The following RGS7 variants were observed in gnomAD, a reference collection of about 807,000 sequenced individuals.
RGS7 encodes the protein regulator of G-protein signaling 7.
In RGS7, 27 loss-of-function variants were observed where a neutral mutation model predicts 81.1. The ratio of observed to expected loss-of-function variants is 0.33; its 90% CI spans 0.25 to 0.46. The LOEUF is 0.46. Among genes scored for constraint, RGS7 ranks in the 20% least tolerant of loss-of-function variants. The pLI is 1.00. For synonymous variants in RGS7, 208 were observed against 207.7 expected, an observed-to-expected ratio of 1.00 and a Z score of -0.01; for missense variants, 396 against 607.4, an observed-to-expected ratio of 0.65 and a Z score of 3.66.
rs565623691 is a variant in RGS7, at chr1:241,262,984, A to G, written c.78+92715T>C. Among the ~76,000 whole-genome samples, 8 of 152,302 alleles carry G rather than the reference A, an allele frequency of 5.3e-5. No homozygotes were observed. In the South Asian group the frequency reaches 1.0e-3, roughly 20 times the overall value. On this transcript the variant is annotated intron_variant, in intron 2 of 18. Coordinates refer to ENST00000440928, the MANE Select transcript of RGS7 (RefSeq NM_001364886.1). ...CATGGTGGCGGACACCTGTAATCCC[A>G]GCTACTCTGGAGGCTAGGGCAAGAG...
At chr1:241,230,788 G>A (rs888631744) in intron 2 of RGS7, among the ~76,000 whole-genome samples, 1 of 152,140 alleles carries the variant, frequency 6.6e-6, no homozygotes, top group South Asian at 2.1e-4. Flanking sequence ...CTTGTAGATC[G>A]GGAGGAGGCA....
chr1:240,786,929 G>A (rs186619985), intron 18 of RGS7, among the ~76,000 whole-genome samples: 2 of 151,774 alleles, frequency 1.3e-5, no homozygotes, highest in East Asian at 3.9e-4. Flanking sequence ...GAACACCTGG[G>A]TTTTTTTTAG....
chr1:241,344,881 A>G (rs1421209462), intron 2 of RGS7, among the ~76,000 whole-genome samples: 3 of 152,228 alleles, frequency 2.0e-5, no homozygotes. Context: ...TGTGCTAGGC[A>G]CTCAGATTCG....
At chr1:240,988,074 C>T (rs183459440) in intron 3 of RGS7, among the ~76,000 whole-genome samples, 27 of 152,076 alleles carry the variant, frequency 1.8e-4, no homozygotes, top group East Asian at 5.8e-4. Flanking sequence ...AGAGAAGAAA[C>T]GACATCATAC....
chr1:240,914,038 A>C (rs1672194453), intron 6 of RGS7, among the ~76,000 whole-genome samples: 1 of 150,368 alleles, frequency 6.7e-6, no homozygotes, highest in African/African-American at 2.4e-5. Flanking sequence ...CATTAGGTAT[A>C]TCTCCCAATG....
chr1:241,044,227 C>T (rs2060789147), intron 3 of RGS7, among the ~76,000 whole-genome samples: 1 of 151,322 alleles, frequency 6.6e-6, no homozygotes, highest in South Asian at 2.1e-4. Context: ...ATTCTTGTGC[C>T]TCAGCCTCCC....
Position 240,823,553 on chromosome 1 carries a change from G to A in RGS7, c.684+3545C>T, listed in dbSNP as rs538139910. 1.2e-4 allele frequency: 20 copies of A among 162,198 alleles called. No homozygotes were observed. In the South Asian group the frequency reaches 3.2e-3, roughly 26 times the overall value. The allele number at this position is 162,198 out of a possible 1,614,324, so 10.0% of individuals were successfully genotyped here. On this transcript the variant is annotated intron_variant, in intron 10 of 18. Transcript: ENST00000440928. Reference sequence around the variant, plus strand: ...AGGGGTGGGGTGGGGACATGGCCGTGAGCTCTGCCTGCCGCGGGGGCGCAC... The same window carrying A: ...AGGGGTGGGGTGGGGACATGGCCGTAAGCTCTGCCTGCCGCGGGGGCGCAC...
intron 3 of RGS7, among the ~76,000 whole-genome samples, chr1:241,083,015 A>G (rs1426986803): frequency 6.6e-6 from 1 of 152,136 alleles, no homozygotes; most frequent in African/African-American, 2.4e-5. Flanking sequence ...ACTTGAGGTC[A>G]GGAGTTCAAG....
At chr1:240,971,089 G>A (rs1459402694) in intron 4 of RGS7, among the ~76,000 whole-genome samples, 1 of 152,188 alleles carries the variant, frequency 6.6e-6, no homozygotes, top group Non-Finnish European at 1.5e-5. Flanking sequence ...TCATACGGGA[G>A]GTGATTAGGT....
At chr1:241,018,133 ATTTTTTTT>A (rs34587479) in intron 3 of RGS7, among the ~76,000 whole-genome samples, 44 of 114,416 alleles carry the variant, frequency 3.8e-4, no homozygotes, top group Non-Finnish European at 6.6e-4. Flanking sequence ...TGCCCAGCTA[ATTTTTTTT>A]TTTTTTTTTT....
At chr1:241,196,246 A>T (rs903323843) in intron 2 of RGS7, among the ~76,000 whole-genome samples, 7 of 152,146 alleles carry the variant, frequency 4.6e-5, no homozygotes, top group African/African-American at 1.7e-4. Flanking sequence ...GTAATTATGT[A>T]TCAGTATTAA....
At chr1:241,042,476 A>G (rs1043585021) in intron 3 of RGS7, among the ~76,000 whole-genome samples, 3 of 152,160 alleles carry the variant, frequency 2.0e-5, no homozygotes, top group Admixed American at 6.5e-5. Flanking sequence ...TTATTTTACT[A>G]GTAGTCACTT....
At chr1:241,107,924 A>G (rs1257064245) in intron 2 of RGS7, among the ~76,000 whole-genome samples, 1 of 152,174 alleles carries the variant, frequency 6.6e-6, no homozygotes, top group Non-Finnish European at 1.5e-5. Flanking sequence ...CGATACATGG[A>G]TAAAGTTATA....
intron 2 of RGS7, among the ~76,000 whole-genome samples, chr1:241,133,613 A>G (rs1296800313): frequency 6.6e-6 from 1 of 152,194 alleles, no homozygotes; most frequent in Non-Finnish European, 1.5e-5. Flanking sequence ...ACTAAATTTG[A>G]ATTGAAAAAT....
At chr1:241,097,543 T>C (rs1003845242) in intron 3 of RGS7, among the ~76,000 whole-genome samples, 16 of 152,220 alleles carry the variant, frequency 1.1e-4, no homozygotes, top group Non-Finnish European at 2.4e-4. Flanking sequence ...ATCCTGGTCA[T>C]GAGGAAGCAG....
At chr1:240,880,570 C>T (rs1396192868) in intron 6 of RGS7, among the ~76,000 whole-genome samples, 3 of 152,232 alleles carry the variant, frequency 2.0e-5, no homozygotes. Flanking sequence ...AGAGCCTGTG[C>T]TGCTCTATAA....
intron 3 of RGS7, among the ~76,000 whole-genome samples, chr1:241,041,662 A>G (rs1248573556): frequency 1.3e-5 from 2 of 152,168 alleles, no homozygotes; most frequent in Non-Finnish European, 2.9e-5. Context: ...TGAAGCCATC[A>G]GGCATCAGAC....
chr1:240,822,776 G>T (rs1289461344), intron 10 of RGS7, among the ~76,000 whole-genome samples: 1 of 152,020 alleles, frequency 6.6e-6, no homozygotes, highest in African/African-American at 2.4e-5. Flanking sequence ...ATTTTTAAAA[G>T]AATCTTTTTA....
intron 3 of RGS7, among the ~76,000 whole-genome samples, chr1:241,089,061 CTCTATATA>C (rs1176580775): frequency 3.9e-3 from 145 of 36,870 alleles, no homozygotes; most frequent in Non-Finnish European, 5.5e-3. Context: ...CTCTCTCTCT[CTCTATATA>C]TATATATATA....
Sources: gnomAD v4.1 joint callset for allele counts (sites outside exome capture counted in the v4.1 genomes callset) on GRCh38, gnomAD v4.1.1 for gene constraint, MANE v1.5 for transcripts, NCBI Gene and HGNC (gene_info 2026-07-23, HGNC 2026-07-21) for gene names.